Variants in AGFG2 observed in about 807,000 individuals in gnomAD.
The protein encoded by AGFG2 is arf-GAP domain and FG repeat-containing protein 2.
In AGFG2, 31 loss-of-function variants were observed where a neutral mutation model predicts 48.0. The ratio of observed to expected loss-of-function variants is 0.65; its 90% CI spans 0.49 to 0.87. The LOEUF (loss-of-function observed/expected upper bound fraction) is 0.87. AGFG2 is among the 40% of genes least tolerant of loss of function. The pLI, the probability that AGFG2 is intolerant of heterozygous loss-of-function variation, is 0.00. For synonymous variants in AGFG2, 229 were observed against 260.8 expected (o/e 0.88, Z 1.18); for missense variants, 599 against 632.6 (o/e 0.95, Z 0.57).
chr7:100,543,070 A>ATT (rs150652871), intron 1 of AGFG2, among the ~76,000 whole-genome samples: 2 of 149,330 alleles, frequency 1.3e-5, no homozygotes, highest in Non-Finnish European at 1.5e-5. Flanking sequence ...ATTATTATTA[A>ATT]TTTTTTTTTT....
At chr7:100,544,980 C>A (rs1236374371) in intron 1 of AGFG2, among the ~76,000 whole-genome samples, 1 of 152,044 alleles carries the variant, frequency 6.6e-6, no homozygotes, top group African/African-American at 2.4e-5. Flanking sequence ...AATAGGAGAG[C>A]CTTCCTCTTA....
chr7:100,553,647 A>G, intron 4 of AGFG2, 147 bp downstream of exon 4: 1 of 991,808 alleles, frequency 1.0e-6, no homozygotes, highest in Non-Finnish European at 1.4e-6. Context: ...TGTATCTTGT[A>G]TTTGTCACTT....
intron 1 of AGFG2, among the ~76,000 whole-genome samples, chr7:100,543,951 T>C (rs2131101454): frequency 6.6e-6 from 1 of 152,360 alleles, no homozygotes; most frequent in Non-Finnish European, 1.5e-5. Flanking sequence ...TGCTTGTTTG[T>C]TTAGTTACAT....
Position 100,554,239 on chromosome 7 carries a change from T to A in AGFG2, c.732T>A (p.Ala244=). Residue 244 remains alanine (A), a synonymous_variant, in exon 5 of 12, where the codon GCT becomes GCA. Coordinates refer to ENST00000300176, the MANE Select transcript of AGFG2 (RefSeq NM_006076.5). ...CACCCCAGATGGCACCAGCTTTTGCTGCATTCCCTGCCTTTGGGGGTAAGT... is the reference window on the plus strand; with the variant it reads ...CACCCCAGATGGCACCAGCTTTTGCAGCATTCCCTGCCTTTGGGGGTAAGT... ...FAAPQMAPAF[A]AFPAFGGQTP... 2 of 1,613,372 alleles carry A rather than the reference T, an allele frequency of 1.2e-6. No individual in the cohort carries two copies. The highest frequency in any genetic ancestry group is 1.7e-6 in the Non-Finnish European group (2 of 1,179,572).
chr7:100,555,072 G>T lies in AGFG2; in HGVS notation c.752-538G>T, dbSNP rs975228710. The stretch of plus-strand genomic sequence containing the variant: ...CAGAAGAGGGCAGGGAGTGAACCTG[G>T]AGGCCCTGGGTGCCCCTGTTCCCCT... On this transcript the variant is annotated intron_variant, in intron 5 of 11. Coordinates refer to ENST00000300176, the MANE Select transcript of AGFG2 (RefSeq NM_006076.5). 2.6e-5 allele frequency among the ~76,000 whole-genome samples: 4 copies of T among 152,110 alleles called. No homozygotes were observed. In the South Asian group the frequency reaches 8.3e-4, roughly 32 times the overall value.
At chr7:100,559,001 GTGCGTGA>G (rs1484087753) in intron 6 of AGFG2, among the ~76,000 whole-genome samples, 2 of 152,084 alleles carry the variant, frequency 1.3e-5, no homozygotes, top group African/African-American at 4.8e-5. Flanking sequence ...AGGCATGGTG[GTGCGTGA>G]CTGTAGTCCC....
At chr7:100,551,030 T>TTTTATATATA (rs1378400368) in intron 3 of AGFG2, among the ~76,000 whole-genome samples, 3 of 56,036 alleles carry the variant, frequency 5.4e-5, no homozygotes, top group African/African-American at 2.8e-4. Flanking sequence ...CCTGGCTAAT[T>TTTTATATATA]TATATATATA....
intron 6 of AGFG2, 196 bp downstream of exon 6, chr7:100,555,931 T>C: frequency 1.5e-6 from 1 of 656,866 alleles, no homozygotes; most frequent in South Asian, 2.9e-5. Flanking sequence ...TTCTGCTTTT[T>C]CATGAAAGGA....
In AGFG2 at chr7:100,564,219, C is replaced by G; in HGVS notation, c.1302C>G (p.Gly434=). 6.2e-7 allele frequency: 1 copy of G among 1,610,722 alleles called. No individual in the cohort carries two copies. Among genetic ancestry groups the G allele is most frequent in the Non-Finnish European group, 8.5e-7 (1 of 1,178,458 alleles). The change falls in exon 11 of 12, where the codon GGC becomes GGG. Residue 434 remains glycine (G), a splice_region_variant and synonymous_variant. Transcript: ENST00000300176. ...PQTPLVQQQN[G]SSFGDLGSAK... ...TGAGTGACTGCTCTCGCCCCCTAGG[C>G]TCTTCCTTCGGGGACTTAGGATCAG... is the stretch of plus-strand genomic sequence containing the variant.
intron 11 of AGFG2, 113 bp from the exon 12 acceptor site, chr7:100,564,819 T>G: frequency 8.1e-7 from 1 of 1,234,712 alleles, no homozygotes; most frequent in Non-Finnish European, 1.2e-6. Flanking sequence ...TCCCTCACTT[T>G]CCCACTGCCC....
In AGFG2 at chr7:100,562,457, C is replaced by T. The variant is rs1228285648; in HGVS notation, c.998+78C>T. The T allele has an allele frequency of 3.7e-6, 6 of 1,601,790 alleles. No homozygotes were observed. The highest frequency in any genetic ancestry group is 1.7e-5 in the Admixed American group (1 of 59,098). Reference sequence around the variant, plus strand: ...CTGGCCATGTTCCTCCCAGCCCCATCGGCATCTCCTGGCAGTTCTCCCCTC... The same window carrying T: ...CTGGCCATGTTCCTCCCAGCCCCATTGGCATCTCCTGGCAGTTCTCCCCTC... On this transcript the variant is annotated intron_variant, in intron 7 of 11. Coordinates refer to ENST00000300176, the MANE Select transcript of AGFG2 (RefSeq NM_006076.5). The surrounding 1 kb of genome is among the most constrained non-coding windows in gnomAD (Gnocchi z 5.4).
chr7:100,567,494 C>T lies in AGFG2; in HGVS notation c.*2503C>T, dbSNP rs1173614132. The T allele has an allele frequency of 1.3e-5, 2 of 152,904 alleles. No homozygotes were observed. The highest frequency in any genetic ancestry group is 2.9e-5 in the Non-Finnish European group (2 of 68,220). 9.5% of individuals were successfully genotyped at this position (152,904 alleles called of 1,614,324 possible). On this transcript the variant is annotated 3_prime_UTR_variant, in exon 12 of 12. Transcript: ENST00000300176. ...GCCAGTCGGTCACCTGTGGGCCATC[C>T]CCATGTGTGAGGAAGCAGGAGTCAG...
chr7:100,548,890 T>C lies in AGFG2; in HGVS notation c.290T>C (p.Val97Ala). Reference protein sequence around the residue: ...SMTTFTEPEVVFLQSRGNEVC... With the variant: ...SMTTFTEPEVAFLQSRGNEVC... ...ACAACTTTCACTGAGCCTGAAGTAG[T>C]ATTCCTGCAATCCCGTGGAAATGAG... Residue 97 changes from valine to alanine, a missense_variant, in exon 2 of 12, where the codon GTA (valine) becomes GCA (alanine). Transcript: ENST00000300176. The C allele has an allele frequency of 1.2e-6, 2 of 1,613,744 alleles. No homozygotes were observed. Among genetic ancestry groups the C allele is most frequent in the Non-Finnish European group, 1.7e-6 (2 of 1,179,770 alleles).
chr7:100,547,614 TAG>T (rs1273049422), intron 1 of AGFG2, among the ~76,000 whole-genome samples: 1 of 152,118 alleles, frequency 6.6e-6, no homozygotes, highest in Non-Finnish European at 1.5e-5. Flanking sequence ...TTTCCTGTAT[TAG>T]AACACTCCTG....
At position 100,549,365 on chromosome 7, in the gene AGFG2, G is replaced by A. The variant is rs546490704; in HGVS notation, c.315+450G>A. Among the ~76,000 whole-genome samples, 152 of 152,290 alleles carry A rather than the reference G, an allele frequency of 1.0e-3. 1 individual carries two copies. The South Asian group carries it at 0.029, about 29-fold the overall frequency. On this transcript the variant is annotated intron_variant, in intron 2 of 11. Coordinates refer to ENST00000300176, the MANE Select transcript of AGFG2 (RefSeq NM_006076.5). ...CCGATCAGAAGTTGCTATCCTTGGC[G>A]TTAGCAGTACCCCAGCTTATGGGTG...
chr7:100,540,402 G>T (rs1204481351), intron 1 of AGFG2, among the ~76,000 whole-genome samples: 1 of 152,136 alleles, frequency 6.6e-6, no homozygotes, highest in African/African-American at 2.4e-5. Flanking sequence ...CCTGGTGGTA[G>T]CATCCAGGAA....
chr7:100,551,033 TATATA>T, intron 3 of AGFG2, among the ~76,000 whole-genome samples: 1 of 38,174 alleles, frequency 2.6e-5, no homozygotes, highest in African/African-American at 1.1e-4. Context: ...GGCTAATTTA[TATATA>T]TATATATATA....
rs1023242697 is a variant in AGFG2 at position 100,565,176 on chromosome 7, C to T, written c.*185C>T. On this transcript the variant is annotated 3_prime_UTR_variant, in exon 12 of 12. Coordinates refer to ENST00000300176, the MANE Select transcript of AGFG2 (RefSeq NM_006076.5). ...ATTCCACAAAGCCTCTCTCCCCTCC[C>T]TCGTCCCACCCCCACCCAGGCAGGA... is the stretch of plus-strand genomic sequence containing the variant. 3 of 667,124 alleles carry T rather than the reference C, an allele frequency of 4.5e-6. No homozygotes were observed. The highest frequency in any genetic ancestry group is 2.7e-5 in the East Asian group (1 of 37,694). 41.3% of individuals were successfully genotyped at this position (667,124 alleles called of 1,614,324 possible). A position where few individuals can be genotyped will look rare whatever the true frequency, so the allele number is the denominator to read the frequency against.
chr7:100,553,226 A>G, intron 3 of AGFG2, 121 bp from the exon 4 acceptor site: 1 of 1,270,620 alleles, frequency 7.9e-7, no homozygotes, highest in Non-Finnish European at 1.1e-6. Flanking sequence ...CCCTTCAAAA[A>G]AGGGAATCAG....
Sources: allele counts gnomAD v4.1 joint callset (sites outside exome capture counted in the v4.1 genomes callset), GRCh38; gene constraint gnomAD v4.1.1; non-coding constraint Gnocchi (gnomAD v3.1); transcripts MANE v1.5; gene names NCBI Gene and HGNC (gene_info 2026-07-23, HGNC 2026-07-21).